CHD2: variants seen among roughly 807,000 people sequenced by gnomAD.
The protein encoded by CHD2 is chromodomain helicase DNA binding protein 2.
A neutral mutation model predicts 243.9 loss-of-function variants in CHD2; 28 were observed. The observed-to-expected ratio is 0.11, with a 90% CI of 0.09 to 0.16. CHD2 has a LOEUF of 0.16. Ranked by LOEUF, CHD2 falls within the 10% of genes least tolerant of loss-of-function variation. CHD2 has a pLI of 1.00. For synonymous variants in CHD2, 775 were observed against 779.0 expected (o/e 0.99, Z 0.09); for missense variants, 1,386 against 2,209.8 (o/e 0.63, Z 7.47).
At chr15:93,020,327 G>A (rs748119818) in intron 38 of CHD2, 69 bp downstream of exon 38, 47 of 1,574,870 alleles carry the variant, frequency 3.0e-5, no homozygotes, top group Admixed American at 5.0e-5. Flanking sequence ...AGAAAGTGAC[G>A]TATACATGAA....
chr15:93,008,776 C>T (rs372129788), intron 34 of CHD2, among the ~76,000 whole-genome samples: 26 of 152,196 alleles, frequency 1.7e-4, no homozygotes, highest in African/African-American at 6.0e-4. Flanking sequence ...TATTATATCC[C>T]GTATTTTTAG....
chr15:92,966,470 C>A (rs966635630), intron 16 of CHD2, among the ~76,000 whole-genome samples: 9 of 152,144 alleles, frequency 5.9e-5, no homozygotes, highest in African/African-American at 2.2e-4. Flanking sequence ...TGAGAAAATA[C>A]AGTTTACCTT....
chr15:92,986,474 G>A (rs1251025076), intron 26 of CHD2, among the ~76,000 whole-genome samples: 1 of 151,696 alleles, frequency 6.6e-6, no homozygotes, highest in East Asian at 1.9e-4. Flanking sequence ...ATTTACTATG[G>A]AAAAATAGAA....
intron 35 of CHD2, among the ~76,000 whole-genome samples, chr15:93,011,028 C>T (rs2054387069): frequency 6.6e-6 from 1 of 151,624 alleles, no homozygotes; most frequent in Non-Finnish European, 1.5e-5. Flanking sequence ...TTTTTTTCCG[C>T]TTAACACTGT....
chr15:92,963,068 T>C (rs1038451984), intron 16 of CHD2, among the ~76,000 whole-genome samples: 1 of 152,218 alleles, frequency 6.6e-6, no homozygotes, highest in African/African-American at 2.4e-5. Flanking sequence ...CTTCTTTCTG[T>C]AAGTCTAAAA....
Position 92,927,480 on chromosome 15 carries a change from T to C in CHD2, c.381+150T>C, listed in dbSNP as rs369196719. The C allele has an allele frequency of 2.0e-5, 11 of 561,358 alleles. No individual in the cohort carries two copies. In the East Asian group the frequency reaches 3.2e-4, roughly 16 times the overall value. 34.8% of individuals were successfully genotyped at this position (561,358 alleles called of 1,614,324 possible). ...ATGAGCTATCTATGACCAGATACAG[T>C]AAGGCAAGAAGTTAATAATCAAATA... is the stretch of plus-strand genomic sequence containing the variant. On this transcript the variant is annotated intron_variant, in intron 4 of 38. Transcript: ENST00000394196.
chr15:92,999,712 A>G (rs7180629), intron 31 of CHD2, among the ~76,000 whole-genome samples: 9,898 of 152,212 alleles, frequency 0.065, 372 homozygotes, highest in Middle Eastern at 0.18. Flanking sequence ...TGAGTATGCA[A>G]TATATTATGT....
At chr15:92,987,999 G>A in intron 26 of CHD2, among the ~76,000 whole-genome samples, 1 of 151,658 alleles carries the variant, frequency 6.6e-6, no homozygotes, top group East Asian at 1.9e-4. Flanking sequence ...CCCCATTTGT[G>A]CTGTTGTCGC....
At chr15:92,901,074 TAACA>T (rs997456193) in intron 1 of CHD2, 89 bp from the exon 2 acceptor site, 6 of 661,302 alleles carry the variant, frequency 9.1e-6, no homozygotes, top group African/African-American at 1.9e-5. Context: ...TGTTGTGTTA[TAACA>T]ATATCGTTAA....
At chr15:93,006,987 A>C (rs145903784) in intron 34 of CHD2, among the ~76,000 whole-genome samples, 3 of 152,248 alleles carry the variant, frequency 2.0e-5, no homozygotes, top group Admixed American at 6.5e-5. Flanking sequence ...TGCTACTACA[A>C]ATAGGCTACA....
chr15:93,001,647 G>A (rs2054258159), intron 32 of CHD2, among the ~76,000 whole-genome samples: 1 of 152,086 alleles, frequency 6.6e-6, no homozygotes, highest in African/African-American at 2.4e-5. Flanking sequence ...CTCCCAAATA[G>A]CTAGGATTAC....
At chr15:92,935,331 C>T (rs1446963315) in intron 5 of CHD2, among the ~76,000 whole-genome samples, 8 of 152,296 alleles carry the variant, frequency 5.3e-5, no homozygotes, top group East Asian at 3.9e-4. Context: ...CCACCGCGCC[C>T]GACCTTTTTT....
Position 92,979,127 on chromosome 15 carries a change from T to A in CHD2, c.2728-8T>A. 2 of 1,613,700 alleles carry A rather than the reference T, an allele frequency of 1.2e-6. No homozygotes were observed. Among genetic ancestry groups the A allele is most frequent in the Non-Finnish European group, 1.7e-6 (2 of 1,179,792 alleles). On this transcript the variant is annotated splice_polypyrimidine_tract_variant and splice_region_variant and intron_variant, in intron 21 of 38. Coordinates refer to ENST00000394196, the MANE Select transcript of CHD2 (RefSeq NM_001271.4). ...CAGGCATAAGCATAACAGTTCCTTT[T>A]CCTACAGGTAAATATTTACCGCTTA...
chr15:92,944,534 A>C lies in CHD2; in HGVS notation c.1153+19A>C. On this transcript the variant is annotated intron_variant, in intron 10 of 38. Coordinates refer to ENST00000394196, the MANE Select transcript of CHD2 (RefSeq NM_001271.4). ...GTAATAGGTAAGTACATGGTAACTC[A>C]CTTCAGCCATATTTGAACTTGAGGA... 2 of 1,273,178 alleles carry C rather than the reference A, an allele frequency of 1.6e-6. No individual in the cohort carries two copies. The highest frequency in any genetic ancestry group is 2.2e-6 in the Non-Finnish European group (2 of 908,372). 78.9% of individuals were successfully genotyped at this position (1,273,178 alleles called of 1,614,324 possible). A position where few individuals can be genotyped will look rare whatever the true frequency, so the allele number is the denominator to read the frequency against.
At chr15:92,903,740 G>GCA (rs1021276603) in intron 2 of CHD2, among the ~76,000 whole-genome samples, 3 of 152,190 alleles carry the variant, frequency 2.0e-5, no homozygotes, top group Non-Finnish European at 2.9e-5. Context: ...GGGACTGTGT[G>GCA]CACACAAAGA....
intron 34 of CHD2, 117 bp downstream of exon 34, chr15:93,004,868 A>C (rs1596452216): frequency 9.4e-7 from 1 of 1,061,678 alleles, no homozygotes; most frequent in Non-Finnish European, 1.3e-6. Context: ...ATTACTTGGG[A>C]AACACATTGC....
intron 26 of CHD2, among the ~76,000 whole-genome samples, 159 bp downstream of exon 26, chr15:92,985,832 T>A (rs1258501202): frequency 6.6e-6 from 1 of 152,214 alleles, no homozygotes; most frequent in African/African-American, 2.4e-5. Context: ...AGGATGATCC[T>A]TCCTTCTCCA....
In CHD2 at chr15:92,978,216, A is replaced by G. The variant is rs375711428; in HGVS notation, c.2578-18A>G. On this transcript the variant is annotated intron_variant, in intron 20 of 38. Coordinates refer to ENST00000394196, the MANE Select transcript of CHD2 (RefSeq NM_001271.4). ...TGAGAAGGCCACTGCATAAAGTAGT[A>G]TATTGCATTGTGTACAGGACTTCTG... 22 of 1,613,826 alleles carry G rather than the reference A, an allele frequency of 1.4e-5. No individual in the cohort carries two copies. In the African/African-American group the frequency reaches 2.0e-4, roughly 15 times the overall value.
At chr15:92,920,298 CTCT>C (rs1302102038) in intron 2 of CHD2, among the ~76,000 whole-genome samples, 2 of 152,148 alleles carry the variant, frequency 1.3e-5, no homozygotes, top group African/African-American at 4.8e-5. Context: ...AATACAAATA[CTCT>C]ACTCAGAAAT....
Sources: allele counts gnomAD v4.1 joint callset (sites outside exome capture counted in the v4.1 genomes callset), GRCh38; gene constraint gnomAD v4.1.1; transcripts MANE v1.5; gene names NCBI Gene and HGNC (gene_info 2026-07-23, HGNC 2026-07-21).